SECISBP2: variants seen among roughly 807,000 people sequenced by gnomAD.
SECISBP2 encodes SECIS binding protein 2.
In SECISBP2, 96 loss-of-function variants were observed where a neutral mutation model predicts 98.2. That is an observed-to-expected ratio of 0.98 (90% confidence interval 0.83 to 1.16). The LOEUF is 1.16. Among genes scored for constraint, SECISBP2 ranks in the 50% most tolerant of loss-of-function variants. The probability of loss-of-function intolerance (pLI) is 0.00; values close to 1 mark genes in which losing one functional copy is unlikely to be tolerated. For missense variants in SECISBP2, 1,046 were observed against 1,022.9 expected, an observed-to-expected ratio of 1.02 and a Z score of -0.31; for synonymous variants, 407 against 370.2, an observed-to-expected ratio of 1.10 and a Z score of -1.14.
In SECISBP2 at chr9:89,349,935, T is replaced by G; in HGVS notation, c.1892+6T>G. The stretch of plus-strand genomic sequence containing the variant: ...CACAGCCGCAGATTCAGGGAGTGAG[T>G]GAGCCCCTGCCTGCCAGGGACTAGG... On this transcript the variant is annotated splice_donor_region_variant and intron_variant, in intron 13 of 16. Transcript: ENST00000375807. 3 of 1,613,830 alleles carry G rather than the reference T, an allele frequency of 1.9e-6. No individual in the cohort carries two copies. The highest frequency in any genetic ancestry group is 2.5e-6 in the Non-Finnish European group (3 of 1,179,930).
At chr9:89,318,808 C>T in intron 1 of SECISBP2, 196 bp downstream of exon 1, 2 of 1,272,770 alleles carry the variant, frequency 1.6e-6, no homozygotes, top group Non-Finnish European at 2.0e-6. Flanking sequence ...TCAGCGGCTA[C>T]AGACCCCGCC....
chr9:89,322,913 G>A (rs1189657031), intron 2 of SECISBP2: 2 of 152,064 alleles, frequency 1.3e-5, no homozygotes, highest in Non-Finnish European at 1.5e-5. Flanking sequence ...GGGAACTTTT[G>A]GTAGTGTCTT....
At chr9:89,330,274 CAG>C (rs1242838667) in intron 5 of SECISBP2, 1 of 152,204 alleles carries the variant, frequency 6.6e-6, no homozygotes, top group Non-Finnish European at 1.5e-5. Context: ...CATTTGATCT[CAG>C]AGTTTTAGTC....
intron 5 of SECISBP2, among the ~76,000 whole-genome samples, chr9:89,330,842 CAG>C (rs1320182624): frequency 6.6e-6 from 1 of 152,188 alleles, no homozygotes. Flanking sequence ...GTGTAAGCCT[CAG>C]GGTCAGCTCG....
downstream of SECISBP2, chr9:89,362,009 G>T: frequency 3.0e-6 from 1 of 333,224 alleles, no homozygotes; most frequent in Non-Finnish European, 5.7e-6. Flanking sequence ...CTGTCAAGGG[G>T]AGTCACTGGG....
chr9:89,322,690 T>TG (rs1826015182), intron 2 of SECISBP2: 1 of 152,152 alleles, frequency 6.6e-6, no homozygotes, highest in African/African-American at 2.4e-5. Flanking sequence ...GAAGAACTAG[T>TG]GGTATACAAC....
rs1825099807 is a variant in SECISBP2 at position 89,318,591 on chromosome 9, G to A, written c.15G>A (p.Gly5=). 1.8e-5 allele frequency: 26 copies of A among 1,464,042 alleles called. No homozygotes were observed. Among genetic ancestry groups the A allele is most frequent in the Non-Finnish European group, 2.2e-5 (25 of 1,117,846 alleles). The allele number at this position is 1,464,042 out of a possible 1,614,324, so 90.7% of individuals were successfully genotyped here. A position where few individuals can be genotyped will look rare whatever the true frequency, so the allele number is the denominator to read the frequency against. MASE[G]PREPESEGIK... Reference sequence around the variant, plus strand: ...CGCCTCGCGGCATGGCGTCGGAGGGGCCGCGGGAGCCCGAAAGCGAGGTAA... The same window carrying A: ...CGCCTCGCGGCATGGCGTCGGAGGGACCGCGGGAGCCCGAAAGCGAGGTAA... Residue 5 remains glycine, a synonymous_variant, in exon 1 of 17, where the codon GGG becomes GGA. Coordinates refer to ENST00000375807, the MANE Select transcript of SECISBP2 (RefSeq NM_024077.5).
chr9:89,318,590 G>A lies in SECISBP2; in HGVS notation c.14G>A (p.Gly5Glu). The A allele has an allele frequency of 6.8e-7, 1 of 1,466,828 alleles. No homozygotes were observed. Among genetic ancestry groups the A allele is most frequent in the Non-Finnish European group, 8.9e-7 (1 of 1,118,942 alleles). 90.9% of individuals were successfully genotyped at this position (1,466,828 alleles called of 1,614,324 possible). Residue 5 changes from glycine to glutamate, a missense_variant, in exon 1 of 17, where the codon GGG becomes GAG. Physicochemically the swap from Gly to Glu is moderately conservative, Grantham distance 98 (BLOSUM62 -2). Coordinates refer to ENST00000375807, the MANE Select transcript of SECISBP2 (RefSeq NM_024077.5). MASE[G>E]PREPESEGIK... ...GCGCCTCGCGGCATGGCGTCGGAGGGGCCGCGGGAGCCCGAAAGCGAGGTA... is the reference window on the plus strand; with the variant it reads ...GCGCCTCGCGGCATGGCGTCGGAGGAGCCGCGGGAGCCCGAAAGCGAGGTA...
intron 10 of SECISBP2, among the ~76,000 whole-genome samples, chr9:89,346,225 G>T (rs569474104): frequency 6.6e-6 from 1 of 152,220 alleles, no homozygotes; most frequent in South Asian, 2.1e-4. Flanking sequence ...CTGATTACTT[G>T]AAATAACTAT....
rs1293972751 is a variant in SECISBP2 at position 89,350,032 on chromosome 9, T to G, written c.1892+103T>G. On this transcript the variant is annotated intron_variant, in intron 13 of 16. Transcript: ENST00000375807. The stretch of plus-strand genomic sequence containing the variant: ...AAATCCTTGTTGCTGGGCCACACTG[T>G]GCTTTAAAAACCTCATGGTTGAAAG... 5 of 1,406,362 alleles carry G rather than the reference T, an allele frequency of 3.6e-6. No individual in the cohort carries two copies. The East Asian group carries it at 1.2e-4, about 34-fold the overall frequency. The allele number at this position is 1,406,362 out of a possible 1,614,324, so 87.1% of individuals were successfully genotyped here. A position where few individuals can be genotyped will look rare whatever the true frequency, so the allele number is the denominator to read the frequency against.
chr9:89,319,297 A>G (rs901147139), intron 1 of SECISBP2, among the ~76,000 whole-genome samples: 1 of 152,164 alleles, frequency 6.6e-6, no homozygotes, highest in Non-Finnish European at 1.5e-5. Context: ...TAAACAGTCC[A>G]CGTGTATTTG....
intron 14 of SECISBP2, chr9:89,355,523 C>G (rs1279669097): frequency 1.0e-6 from 1 of 974,236 alleles, no homozygotes; most frequent in African/African-American, 1.8e-5. Context: ...TGATTTGTAC[C>G]TTTTTTATAA....
chr9:89,339,810 C>T (rs1829380950), intron 8 of SECISBP2, 54 bp from the exon 9 acceptor site: 1 of 1,198,578 alleles, frequency 8.3e-7, no homozygotes, highest in Non-Finnish European at 1.2e-6. Context: ...GAAAAGGTTG[C>T]ACTTGGCATG....
chr9:89,363,873 G>GT (rs777826541), downstream of SECISBP2: 20 of 1,614,150 alleles, frequency 1.2e-5, no homozygotes, highest in Admixed American at 1.7e-5. Context: ...CCATCGGGCA[G>GT]TGCATGGGTC....
At chr9:89,362,014 A>G, downstream of SECISBP2, 1 of 348,368 alleles carries the variant, frequency 2.9e-6, no homozygotes, top group South Asian at 4.1e-5. Flanking sequence ...AAGGGGAGTC[A>G]CTGGGACGGT....
chr9:89,356,759 A>G (rs909137659), intron 14 of SECISBP2: 3 of 153,768 alleles, frequency 2.0e-5, no homozygotes, highest in African/African-American at 7.3e-5. Flanking sequence ...ATTCCTACCA[A>G]CTATAGTCTT....
chr9:89,322,877 G>A (rs1051157722), intron 2 of SECISBP2: 1 of 152,196 alleles, frequency 6.6e-6, no homozygotes, highest in South Asian at 2.1e-4. Flanking sequence ...CAGCTGAAAA[G>A]TTTTAGGTTT....
At chr9:89,328,950 C>A in intron 5 of SECISBP2, 64 bp downstream of exon 5, 1 of 1,296,622 alleles carries the variant, frequency 7.7e-7, no homozygotes, top group Non-Finnish European at 1.1e-6. Context: ...TCATTTCAAA[C>A]ATTACACATT....
At chr9:89,339,786 A>G in intron 8 of SECISBP2, 78 bp from the exon 9 acceptor site, 2 of 1,032,728 alleles carry the variant, frequency 1.9e-6, no homozygotes, top group Non-Finnish European at 1.5e-6. Flanking sequence ...CTGAAGAATG[A>G]AAATATAAGC....
Sources: gnomAD v4.1 joint callset for allele counts (sites outside exome capture counted in the v4.1 genomes callset) on GRCh38, gnomAD v4.1.1 for gene constraint, MANE v1.5 for transcripts, NCBI Gene and HGNC (gene_info 2026-07-23, HGNC 2026-07-21) for gene names.